CHRDL1: variants seen among roughly 807,000 people sequenced by gnomAD.
CHRDL1 encodes chordin like 1.
In CHRDL1, 19 loss-of-function variants were observed where a neutral mutation model predicts 40.9. That is an observed-to-expected ratio of 0.46 (90% CI 0.32 to 0.68). The LOEUF (loss-of-function observed/expected upper bound fraction) is 0.68, where lower values mean the gene tolerates loss of function less well. Among genes scored for constraint, CHRDL1 ranks in the 30% least tolerant of loss-of-function variants. The pLI is 0.03. For missense variants in CHRDL1, 329 were observed against 352.1 expected (o/e 0.93, Z 0.53); for synonymous variants, 136 against 123.4 (o/e 1.10, Z -0.68).
At chrX:110,700,004 T>C (rs2070479365) in intron 7 of CHRDL1, among the ~76,000 whole-genome samples, 1 of 112,589 alleles carries the variant, frequency 8.9e-6, no homozygotes, top group South Asian at 3.7e-4. Flanking sequence ...TTTAAGAAAT[T>C]TGTAGTGTAA....
intron 8 of CHRDL1, among the ~76,000 whole-genome samples, chrX:110,690,689 A>C (rs1033995721): frequency 9.0e-6 from 1 of 111,335 alleles, no homozygotes; most frequent in African/African-American, 3.3e-5. Flanking sequence ...GAAAGTGATA[A>C]GTCAAGATTG....
Position 110,676,284 on chromosome X carries a change from C to T in CHRDL1, c.1324G>A (p.Glu442Lys), listed in dbSNP as rs1603099567. Residue 442 changes from glutamate (E) to lysine (K), a missense_variant, in exon 12 of 12, where the codon GAA becomes AAA. Physicochemically the swap from Glu to Lys is moderately conservative, Grantham distance 56. Coordinates refer to ENST00000372042, the MANE Select transcript of CHRDL1 (RefSeq NM_001143981.2). ...CSSRVCRTEL[E>K]DLVKVLYLER... ...AGGTACAAAACCTTGACTAAATCTT[C>T]AAGCTCTGTTCTGCATACACGACTT... The T allele has an allele frequency of 8.3e-7, 1 of 1,209,560 alleles. No individual in the cohort carries two copies. The highest frequency in any genetic ancestry group is 1.1e-6 in the Non-Finnish European group (1 of 893,547).
intron 2 of CHRDL1, among the ~76,000 whole-genome samples, chrX:110,776,450 T>C (rs1387583661): frequency 8.9e-6 from 1 of 111,760 alleles, no homozygotes; most frequent in African/African-American, 3.2e-5. Context: ...TCACTTTTTG[T>C]CTGAGAAAGT....
chrX:110,773,837 GAGA>G (rs2089801599), intron 2 of CHRDL1, among the ~76,000 whole-genome samples: 1 of 108,864 alleles, frequency 9.2e-6, no homozygotes, highest in African/African-American at 3.4e-5. Context: ...ATGTGATCTT[GAGA>G]AGAATGTATA....
intron 9 of CHRDL1, among the ~76,000 whole-genome samples, chrX:110,687,913 C>T (rs2070059219): frequency 8.9e-6 from 1 of 111,743 alleles, no homozygotes; most frequent in South Asian, 3.7e-4. Flanking sequence ...TTTCTACTGG[C>T]ATAGAAAAAA....
rs1439161520 is a variant in CHRDL1, at chrX:110,674,262, T to C, written c.*1969A>G. 2 of 110,904 alleles carry C rather than the reference T, an allele frequency of 1.8e-5. No individual in the cohort carries two copies. The highest frequency in any genetic ancestry group is 5.7e-4 in the East Asian group (2 of 3,538). 9.1% of individuals were successfully genotyped at this position (110,904 alleles called of 1,213,427 possible). A position where few individuals can be genotyped will look rare whatever the true frequency, so the allele number is the denominator to read the frequency against. On this transcript the variant is annotated 3_prime_UTR_variant, in exon 12 of 12. Coordinates refer to ENST00000372042, the MANE Select transcript of CHRDL1 (RefSeq NM_001143981.2). The stretch of plus-strand genomic sequence containing the variant: ...GTCCCAGCACCTGGAGGCAGGAGTA[T>C]ATCTAGGGAAACTCTCTGCGTGTTC...
At chrX:110,689,913 C>A (rs865977710) in intron 8 of CHRDL1, among the ~76,000 whole-genome samples, 3 of 10,864 alleles carry the variant, frequency 2.8e-4, no homozygotes, top group East Asian at 1.8e-3. Context: ...ATCTATATAT[C>A]TATATATATC....
At chrX:110,770,576 A>G (rs1049691540) in intron 2 of CHRDL1, among the ~76,000 whole-genome samples, 8 of 111,529 alleles carry the variant, frequency 7.2e-5, no homozygotes, top group Admixed American at 9.5e-5. Flanking sequence ...ATAAGGAAAA[A>G]CCAATGAGAT....
chrX:110,793,574 C>T lies in CHRDL1; in HGVS notation c.-34-1359G>A, dbSNP rs1240587997. On this transcript the variant is annotated intron_variant, in intron 1 of 11. Transcript: ENST00000372042. ...TGTTACTGTCCCTTGAGGGCTACCA[C>T]GTTTATTCGAAACAAATCATTTTCA... 5.4e-5 allele frequency among the ~76,000 whole-genome samples: 6 copies of T among 111,959 alleles called. 1 individual carries two copies. Among genetic ancestry groups the T allele is most frequent in the Non-Finnish European group, 1.9e-5 (1 of 53,214 alleles).
chrX:110,767,597 GCAATA>G (rs2089682397), intron 2 of CHRDL1, among the ~76,000 whole-genome samples: 2 of 75,633 alleles, frequency 2.6e-5, no homozygotes, highest in South Asian at 8.1e-4. Context: ...TACAAAGGAT[GCAATA>G]AAATAAAATA....
intron 2 of CHRDL1, among the ~76,000 whole-genome samples, chrX:110,790,659 G>A (rs955361471): frequency 9.1e-6 from 1 of 109,978 alleles, no homozygotes; most frequent in Non-Finnish European, 1.9e-5. Flanking sequence ...CCCAAATAAT[G>A]TACATTGTAC....
intron 6 of CHRDL1, 98 bp downstream of exon 6, chrX:110,719,737 T>C: frequency 2.4e-6 from 1 of 419,157 alleles, no homozygotes; most frequent in South Asian, 7.2e-5. Context: ...CCATAAAAAT[T>C]ACCTTTCCCT....
intron 4 of CHRDL1, among the ~76,000 whole-genome samples, chrX:110,750,643 C>T (rs982564708): frequency 8.9e-6 from 1 of 111,820 alleles, no homozygotes; most frequent in Non-Finnish European, 1.9e-5. Flanking sequence ...GGGCTAATTC[C>T]GAGAAATGCC....
chrX:110,735,673 T>C (rs2071250375), intron 4 of CHRDL1, among the ~76,000 whole-genome samples: 1 of 112,244 alleles, frequency 8.9e-6, no homozygotes, highest in African/African-American at 3.2e-5. Context: ...ATAGTGCTAA[T>C]AACCAGAACC....
At chrX:110,686,853 C>T (rs1395119308) in intron 9 of CHRDL1, among the ~76,000 whole-genome samples, 1 of 99,124 alleles carries the variant, frequency 1.0e-5, no homozygotes, top group Non-Finnish European at 2.0e-5. Flanking sequence ...CACTGCACTC[C>T]AGCCTGGGCG....
chrX:110,746,516 C>G (rs1043521478), intron 4 of CHRDL1, among the ~76,000 whole-genome samples: 1 of 111,286 alleles, frequency 9.0e-6, no homozygotes, highest in Non-Finnish European at 1.9e-5. Flanking sequence ...CATTATTGTG[C>G]GGCATACTCA....
intron 11 of CHRDL1, among the ~76,000 whole-genome samples, chrX:110,678,225 T>C (rs771656882): frequency 1.8e-5 from 2 of 112,405 alleles, no homozygotes; most frequent in South Asian, 7.4e-4. Flanking sequence ...ATAATCTGGC[T>C]TCGTCAAAGT....
chrX:110,761,620 T>C (rs1332395144), intron 3 of CHRDL1, among the ~76,000 whole-genome samples: 1 of 111,894 alleles, frequency 8.9e-6, no homozygotes, highest in African/African-American at 3.3e-5. Flanking sequence ...AGGATTGGGG[T>C]TGGTGCTCTT....
At chrX:110,760,366 G>A (rs997040185) in intron 3 of CHRDL1, among the ~76,000 whole-genome samples, 6 of 112,316 alleles carry the variant, frequency 5.3e-5, no homozygotes, top group African/African-American at 1.9e-4. Context: ...AAGACCCCTC[G>A]CTCTGACAGC....
Sources: gnomAD v4.1 joint callset for allele counts (sites outside exome capture counted in the v4.1 genomes callset) on GRCh38, gnomAD v4.1.1 for gene constraint, MANE v1.5 for transcripts, NCBI Gene and HGNC (gene_info 2026-07-23, HGNC 2026-07-21) for gene names.